The following PLSCR1 variants were observed in gnomAD, a reference collection of about 807,000 sequenced individuals.
PLSCR1 encodes phospholipid scramblase 1.
Under a neutral mutation model 37.8 loss-of-function variants are expected in PLSCR1, and 17 were observed. The ratio of observed to expected loss-of-function variants is 0.45; its 90% confidence interval spans 0.31 to 0.68. The LOEUF (loss-of-function observed/expected upper bound fraction) is 0.68, where lower values mean the gene tolerates loss of function less well. PLSCR1 is among the 30% of genes least tolerant of loss of function. PLSCR1 has a pLI of 0.06. For synonymous variants in PLSCR1, 116 were observed against 125.9 expected, an observed-to-expected ratio of 0.92 and a Z score of 0.53; for missense variants, 347 against 380.9, an observed-to-expected ratio of 0.91 and a Z score of 0.74.
chr3:146,525,789 T>G (rs1244142851), intron 4 of PLSCR1, 142 bp from the exon 5 acceptor site: 1 of 469,726 alleles, frequency 2.1e-6, no homozygotes, highest in Non-Finnish European at 3.8e-6. Context: ...TACTTTTTAG[T>G]GTAAAACTGA....
At chr3:146,536,710 T>C in intron 1 of PLSCR1, 145 bp from the exon 2 acceptor site, 1 of 571,820 alleles carries the variant, frequency 1.7e-6, no homozygotes, top group Non-Finnish European at 3.3e-6. Flanking sequence ...TCTGGTCATT[T>C]AAGCCCTTTG....
chr3:146,533,236 C>G (rs999076036), intron 3 of PLSCR1, among the ~76,000 whole-genome samples: 4 of 152,088 alleles, frequency 2.6e-5, no homozygotes, highest in African/African-American at 9.7e-5. Flanking sequence ...TTTCTTTATA[C>G]CTTTACTGTC....
Position 146,533,568 on chromosome 3 carries a change from G to A in PLSCR1, c.14-18C>T. Reference sequence around the variant, plus strand: ...CTGTGAGTCTGCAATTCAAGGAGAGGTAAATAGATGTCTGATTAAATAAAA... The same window carrying A: ...CTGTGAGTCTGCAATTCAAGGAGAGATAAATAGATGTCTGATTAAATAAAA... On this transcript the variant is annotated intron_variant, in intron 2 of 8. Coordinates refer to ENST00000342435, the MANE Select transcript of PLSCR1 (RefSeq NM_021105.3). The A allele has an allele frequency of 7.0e-7, 1 of 1,429,534 alleles. No individual in the cohort carries two copies. Among genetic ancestry groups the A allele is most frequent in the South Asian group, 1.2e-5 (1 of 84,530 alleles). 88.6% of individuals were successfully genotyped at this position (1,429,534 alleles called of 1,614,324 possible). A position where few individuals can be genotyped will look rare whatever the true frequency, so the allele number is the denominator to read the frequency against.
At chr3:146,530,996 T>C (rs1421900100) in intron 3 of PLSCR1, among the ~76,000 whole-genome samples, 2 of 152,228 alleles carry the variant, frequency 1.3e-5, no homozygotes, top group Non-Finnish European at 2.9e-5. Flanking sequence ...GGAGCTATAA[T>C]ACCAGTGTAA....
At chr3:146,532,921 A>G (rs1404230435) in intron 3 of PLSCR1, among the ~76,000 whole-genome samples, 1 of 152,212 alleles carries the variant, frequency 6.6e-6, no homozygotes, top group Non-Finnish European at 1.5e-5. Flanking sequence ...GAATCAGCAT[A>G]TATATAAAAA....
chr3:146,541,066 A>C (rs9289722), intron 1 of PLSCR1: 1 of 151,820 alleles, frequency 6.6e-6, no homozygotes, highest in Non-Finnish European at 1.5e-5. Context: ...TTGAGTATAC[A>C]GCACATCATA....
At chr3:146,542,158 T>G (rs2044345583) in intron 1 of PLSCR1, among the ~76,000 whole-genome samples, 1 of 152,192 alleles carries the variant, frequency 6.6e-6, no homozygotes, top group East Asian at 1.9e-4. Flanking sequence ...AACACCTTAT[T>G]CCACACAGTC....
intron 2 of PLSCR1, among the ~76,000 whole-genome samples, chr3:146,535,325 C>G (rs1184779150): frequency 1.3e-5 from 2 of 151,882 alleles, no homozygotes; most frequent in Non-Finnish European, 2.9e-5. Context: ...CTTTTGGTAC[C>G]AAAGCAATGA....
intron 2 of PLSCR1, 102 bp from the exon 3 acceptor site, chr3:146,533,652 T>A: frequency 4.9e-6 from 3 of 617,536 alleles, no homozygotes; most frequent in Non-Finnish European, 8.2e-6. Context: ...TATGTTCTTA[T>A]GCTGTATTGA....
intron 3 of PLSCR1, among the ~76,000 whole-genome samples, chr3:146,532,149 T>A (rs752668188): frequency 6.6e-6 from 1 of 152,174 alleles, no homozygotes; most frequent in African/African-American, 2.4e-5. Flanking sequence ...GCCATATATA[T>A]CTATATATAT....
Position 146,516,909 on chromosome 3 carries a change from T to G in PLSCR1, c.900+97A>C, listed in dbSNP as rs1277105527. ...GGAATCCTGATTTAAAATCTATAAA[T>G]TTTAAAATGTCATTTTGAAATATAC... On this transcript the variant is annotated intron_variant, in intron 8 of 8. Transcript: ENST00000342435. 5 of 850,896 alleles carry G rather than the reference T, an allele frequency of 5.9e-6. No homozygotes were observed. In the African/African-American group the frequency reaches 9.1e-5, roughly 15 times the overall value. 52.7% of individuals were successfully genotyped at this position (850,896 alleles called of 1,614,324 possible).
At position 146,536,568 on chromosome 3, in the gene PLSCR1, GA is replaced by G; in HGVS notation, c.-13-4del. 1 of 1,463,940 alleles carries G rather than the reference GA, an allele frequency of 6.8e-7. No individual in the cohort carries two copies. Among genetic ancestry groups the G allele is most frequent in the Non-Finnish European group, 9.6e-7 (1 of 1,044,232 alleles). The allele number at this position is 1,463,940 out of a possible 1,614,324, so 90.7% of individuals were successfully genotyped here. A position where few individuals can be genotyped will look rare whatever the true frequency, so the allele number is the denominator to read the frequency against. The stretch of plus-strand genomic sequence containing the variant: ...GTTTGTCCATGATTAAAACAGTTCT[GA>G]AAAAGAAGATCTGACATTAACACAC... On this transcript the variant is annotated splice_region_variant and splice_polypyrimidine_tract_variant and intron_variant, in intron 1 of 8. Coordinates refer to ENST00000342435, the MANE Select transcript of PLSCR1 (RefSeq NM_021105.3).
At chr3:146,534,607 C>G (rs1000373474) in intron 2 of PLSCR1, among the ~76,000 whole-genome samples, 1 of 152,044 alleles carries the variant, frequency 6.6e-6, no homozygotes, top group Non-Finnish European at 1.5e-5. Flanking sequence ...TTCATGATGA[C>G]TTCAGCGGAA....
Position 146,522,124 on chromosome 3 carries a change from T to C in PLSCR1, c.356-71A>G, listed in dbSNP as rs1293806537. 1.2e-5 allele frequency: 11 copies of C among 888,110 alleles called. No individual in the cohort carries two copies. The Middle Eastern group carries it at 6.4e-4, about 52-fold the overall frequency. 55.0% of individuals were successfully genotyped at this position (888,110 alleles called of 1,614,324 possible). On this transcript the variant is annotated intron_variant, in intron 5 of 8. Coordinates refer to ENST00000342435, the MANE Select transcript of PLSCR1 (RefSeq NM_021105.3). The stretch of plus-strand genomic sequence containing the variant: ...TATTGAATTTATCCAGATATTATAA[T>C]ATCTAGCTATGCCAGTTTTTGATGA...
In PLSCR1 at chr3:146,521,569, C is replaced by T; in HGVS notation, c.713G>A (p.Ser238Asn). The change falls in exon 7 of 9, where the codon AGC becomes AAC. Residue 238 changes from serine (S) to asparagine (N), a missense_variant. Physicochemically the swap from Ser to Asn is conservative, Grantham distance 46. Coordinates refer to ENST00000342435, the MANE Select transcript of PLSCR1 (RefSeq NM_021105.3). ...LKISGPCVVC[S>N]CCGDVDFEIK... ...CTCAAAATCAACATCTCCACAACAG[C>T]TGCACACAACACATGGACCACTTAT... 1 of 1,613,906 alleles carries T rather than the reference C, an allele frequency of 6.2e-7. No individual in the cohort carries two copies. The highest frequency in any genetic ancestry group is 1.1e-5 in the South Asian group (1 of 91,066).
intron 3 of PLSCR1, among the ~76,000 whole-genome samples, chr3:146,531,162 A>C (rs1020639119): frequency 3.9e-5 from 6 of 152,212 alleles, no homozygotes; most frequent in Non-Finnish European, 5.9e-5. Flanking sequence ...TGAGATCTGA[A>C]GGATGCACAG....
intron 1 of PLSCR1, among the ~76,000 whole-genome samples, chr3:146,537,167 C>T (rs78589537): frequency 0.013 from 2,003 of 151,934 alleles, 23 homozygotes; most frequent in Non-Finnish European, 0.017. Context: ...GTTGTCACAG[C>T]CATAGCACCT....
At chr3:146,543,108 G>A (rs1428103066) in intron 1 of PLSCR1, among the ~76,000 whole-genome samples, 3 of 152,040 alleles carry the variant, frequency 2.0e-5, no homozygotes, top group Non-Finnish European at 4.4e-5. Flanking sequence ...TAGATAGAGG[G>A]AACTCCATAG....
intron 3 of PLSCR1, among the ~76,000 whole-genome samples, chr3:146,533,116 T>G (rs1424569538): frequency 6.6e-6 from 1 of 152,216 alleles, no homozygotes; most frequent in Non-Finnish European, 1.5e-5. Flanking sequence ...GATCATAATT[T>G]TCAGAACAGA....
Sources: allele counts gnomAD v4.1 joint callset (sites outside exome capture counted in the v4.1 genomes callset), GRCh38; gene constraint gnomAD v4.1.1; transcripts MANE v1.5; gene names NCBI Gene and HGNC (gene_info 2026-07-23, HGNC 2026-07-21).